Variants in ZFHX3 observed in about 807,000 individuals in gnomAD.
The protein encoded by ZFHX3 is zinc finger homeobox protein 3.
ZFHX3 carries 42 observed loss-of-function variants against 279.1 expected under a neutral mutation model. The ratio of observed to expected loss-of-function variants is 0.15; its 90% CI spans 0.12 to 0.19. The LOEUF (loss-of-function observed/expected upper bound fraction) is 0.19. ZFHX3 is among the 10% of genes least tolerant of loss of function. ZFHX3 has a pLI of 1.00. For missense variants in ZFHX3, 4,981 were observed against 4,754.0 expected, an observed-to-expected ratio of 1.05 and a Z score of -1.40; for synonymous variants, 2,293 against 1,957.8, an observed-to-expected ratio of 1.17 and a Z score of -4.52.
chr16:73,789,507 A>G (rs1252870669), intron 1 of ZFHX3, among the ~76,000 whole-genome samples: 3 of 152,158 alleles, frequency 2.0e-5, no homozygotes, highest in Admixed American at 6.6e-5. Flanking sequence ...TTCATGACAT[A>G]ACTGATTTCA....
chr16:72,972,127 A>G (rs1282530643), intron 1 of ZFHX3, among the ~76,000 whole-genome samples: 1 of 152,134 alleles, frequency 6.6e-6, no homozygotes, highest in Non-Finnish European at 1.5e-5. Flanking sequence ...TCCTGACCTC[A>G]GGTGATCCAC....
intron 5 of ZFHX3, among the ~76,000 whole-genome samples, chr16:72,824,465 C>A (rs752796111): frequency 7.2e-5 from 11 of 152,174 alleles, no homozygotes; most frequent in Admixed American, 1.3e-4. Flanking sequence ...CATTCTAACT[C>A]AAAAATTTAC....
At chr16:73,205,769 A>G (rs2011774211) in intron 5 of ZFHX3, among the ~76,000 whole-genome samples, 1 of 152,222 alleles carries the variant, frequency 6.6e-6, no homozygotes, top group Admixed American at 6.5e-5. Flanking sequence ...ATTCTAAAAG[A>G]GATCATTTGG....
chr16:73,487,129 G>T (rs1367552585), intron 2 of ZFHX3, among the ~76,000 whole-genome samples: 1 of 152,220 alleles, frequency 6.6e-6, no homozygotes, highest in Non-Finnish European at 1.5e-5. Flanking sequence ...AAAAGTGAGG[G>T]TTTTTGACCT....
intron 5 of ZFHX3, among the ~76,000 whole-genome samples, chr16:73,251,881 ACAC>A (rs1188746196): frequency 2.3e-3 from 252 of 111,916 alleles, no homozygotes; most frequent in African/African-American, 0.011. Flanking sequence ...CCATGCACAC[ACAC>A]CACACACACA....
At chr16:73,567,182 G>C (rs894816764) in intron 2 of ZFHX3, among the ~76,000 whole-genome samples, 1 of 152,120 alleles carries the variant, frequency 6.6e-6, no homozygotes. Context: ...CTAGTCATTG[G>C]ACACTAATCT....
Position 73,070,453 on chromosome 16 carries a change from T to C in ZFHX3, c.-532-11441A>G, listed in dbSNP as rs139059992. 1.2e-3 allele frequency among the ~76,000 whole-genome samples: 187 copies of C among 152,284 alleles called. 1 individual carries two copies. The highest frequency in any genetic ancestry group is 4.2e-3 in the African/African-American group (174 of 41,566). ...TTTAATCAAAATGTTTCCAAACCCC[T>C]TGAGCTAATTATAAAAGCGAATAGC... On this transcript the variant is annotated intron_variant, in intron 8 of 17. Coordinates refer to the ZFHX3 transcript ENST00000641206.
chr16:73,577,794 G>A (rs540470501), intron 2 of ZFHX3, among the ~76,000 whole-genome samples: 1 of 152,294 alleles, frequency 6.6e-6, no homozygotes, highest in Non-Finnish European at 1.5e-5. Context: ...TTCCGCCATA[G>A]TTTTATAGTT....
chr16:72,895,490 T>C (rs1443190668), intron 3 of ZFHX3, among the ~76,000 whole-genome samples: 4 of 152,264 alleles, frequency 2.6e-5, no homozygotes, highest in East Asian at 1.9e-4. Flanking sequence ...GACTATACTT[T>C]TCCTTGATCA....
At chr16:73,035,613 T>C (rs1369782173) in intron 1 of ZFHX3, among the ~76,000 whole-genome samples, 1 of 152,224 alleles carries the variant, frequency 6.6e-6, no homozygotes, top group Non-Finnish European at 1.5e-5. Context: ...AGGCCAGGCA[T>C]TGTGGCTCAC....
At chr16:73,269,996 C>T (rs1036693022) in intron 4 of ZFHX3, among the ~76,000 whole-genome samples, 23 of 152,256 alleles carry the variant, frequency 1.5e-4, no homozygotes, top group African/African-American at 4.6e-4. Context: ...GATCCACTCA[C>T]CTCGGGCTTC....
In ZFHX3 at chr16:73,021,416, A is replaced by C. The variant is rs137932506; in HGVS notation, c.-50+26336T>G. ...AGGATAAGCACCTGGAGCAGATCGA[A>C]TAGCATCCCTCCTAGAACTCATGTC... On this transcript the variant is annotated intron_variant, in intron 1 of 9. Transcript: ENST00000268489. Among the ~76,000 whole-genome samples the C allele has an allele frequency of 2.8e-4, 42 of 152,336 alleles. No individual in the cohort carries two copies. In the East Asian group the frequency reaches 7.9e-3, roughly 29 times the overall value.
chr16:73,807,033 C>A (rs1465538363), intron 1 of ZFHX3, among the ~76,000 whole-genome samples: 1 of 152,134 alleles, frequency 6.6e-6, no homozygotes, highest in Non-Finnish European at 1.5e-5. Flanking sequence ...ATGAGAAAAA[C>A]CATAACTAAA....
chr16:73,285,725 C>T (rs1172187996), intron 4 of ZFHX3, among the ~76,000 whole-genome samples: 3 of 152,180 alleles, frequency 2.0e-5, no homozygotes, highest in Non-Finnish European at 4.4e-5. Flanking sequence ...TTTATTTAAG[C>T]CCCCTGTTAT....
At chr16:72,904,775 TG>T (rs35117190) in intron 3 of ZFHX3, among the ~76,000 whole-genome samples, 21,547 of 151,680 alleles carry the variant, frequency 0.14, 1,851 homozygotes, top group Middle Eastern at 0.23. Context: ...TCCTTGCCTG[TG>T]GGGGGGGTCC....
chr16:73,131,357 A>T (rs1042329943), intron 6 of ZFHX3, among the ~76,000 whole-genome samples: 2 of 152,208 alleles, frequency 1.3e-5, no homozygotes, highest in African/African-American at 4.8e-5. Context: ...ACAATCTTTC[A>T]TTCAACCCTA....
intron 3 of ZFHX3, among the ~76,000 whole-genome samples, chr16:73,453,567 G>A (rs1053603275): frequency 1.3e-5 from 2 of 152,210 alleles, no homozygotes; most frequent in Non-Finnish European, 2.9e-5. Context: ...TCCTGGCCCA[G>A]GAGCCAGACA....
chr16:73,441,171 A>G (rs1411528431), intron 3 of ZFHX3, among the ~76,000 whole-genome samples: 1 of 152,172 alleles, frequency 6.6e-6, no homozygotes, highest in Non-Finnish European at 1.5e-5. Flanking sequence ...TTTCCAAGAG[A>G]TAAGCAATTT....
intron 5 of ZFHX3, among the ~76,000 whole-genome samples, chr16:73,182,063 G>T (rs1967808891): frequency 6.6e-6 from 1 of 152,196 alleles, no homozygotes; most frequent in Non-Finnish European, 1.5e-5. Context: ...TACAGAATAG[G>T]CTAGACAAGG....
Sources: allele counts gnomAD v4.1 joint callset (sites outside exome capture counted in the v4.1 genomes callset), GRCh38; gene constraint gnomAD v4.1.1; transcripts MANE v1.5; gene names NCBI Gene and HGNC (gene_info 2026-07-23, HGNC 2026-07-21).